The following RIMBP2 variants were observed in gnomAD, a reference collection of about 807,000 sequenced individuals.
The protein encoded by RIMBP2 is RIMS-binding protein 2.
RIMBP2 carries 48 observed loss-of-function variants against 118.6 expected under a neutral mutation model. The observed-to-expected ratio is 0.40, with a 90% CI of 0.32 to 0.51. The LOEUF (loss-of-function observed/expected upper bound fraction) is 0.51, where lower values mean the gene tolerates loss of function less well. Ranked by LOEUF, RIMBP2 falls within the 20% of genes least tolerant of loss-of-function variation. The pLI is 0.41. For missense variants in RIMBP2, 1,551 were observed against 1,768.3 expected, an observed-to-expected ratio of 0.88 and a Z score of 2.20; for synonymous variants, 762 against 742.9, an observed-to-expected ratio of 1.03 and a Z score of -0.42.
intron 4 of RIMBP2, among the ~76,000 whole-genome samples, chr12:130,488,931 C>T (rs1332340005): frequency 6.6e-6 from 1 of 152,122 alleles, no homozygotes; most frequent in Non-Finnish European, 1.5e-5. Context: ...CTGAGAAGAA[C>T]CGATGCATGT....
chr12:130,576,796 C>A lies in RIMBP2; in HGVS notation c.-217+51526G>T, dbSNP rs2058114392. On this transcript the variant is annotated intron_variant, in intron 2 of 22. Coordinates refer to ENST00000690449, the MANE Select transcript of RIMBP2 (RefSeq NM_001393629.1). This position sits in a 1 kb window ranked among gnomAD's most constrained non-coding sequence, Gnocchi z 4.2. ...GCTCCGAGTCCTAAACGAATCACAC[C>A]AGGATGGAGATTGCAGGATGGCGTG... Among the ~76,000 whole-genome samples, 1 of 152,228 alleles carries A rather than the reference C, an allele frequency of 6.6e-6. No individual in the cohort carries two copies. The highest frequency in any genetic ancestry group is 1.5e-5 in the Non-Finnish European group (1 of 68,052).
chr12:130,589,164 A>C (rs2059105042), intron 2 of RIMBP2, among the ~76,000 whole-genome samples: 1 of 152,198 alleles, frequency 6.6e-6, no homozygotes, highest in African/African-American at 2.4e-5. Context: ...GAAATGTAAT[A>C]ATCCTTTTCA....
At chr12:130,532,536 C>T (rs902769638) in intron 2 of RIMBP2, among the ~76,000 whole-genome samples, 12 of 146,372 alleles carry the variant, frequency 8.2e-5, no homozygotes, top group South Asian at 2.2e-4. Flanking sequence ...TAATGAGATG[C>T]GTGTGTGTAG....
chr12:130,578,170 C>T lies in RIMBP2; in HGVS notation c.-217+50152G>A, dbSNP rs1462250954. Reference sequence around the variant, plus strand: ...TCCAGGAAAGTAAAGGTAGTGCAGGCTTGGAAGCTGATGAGGAGGCATGGG... The same window carrying T: ...TCCAGGAAAGTAAAGGTAGTGCAGGTTTGGAAGCTGATGAGGAGGCATGGG... On this transcript the variant is annotated intron_variant, in intron 2 of 22. Transcript: ENST00000690449. This position sits in a 1 kb window ranked among gnomAD's most constrained non-coding sequence, Gnocchi z 4.1. Among the ~76,000 whole-genome samples, 1 of 152,210 alleles carries T rather than the reference C, an allele frequency of 6.6e-6. No homozygotes were observed. The highest frequency in any genetic ancestry group is 1.9e-4 in the East Asian group (1 of 5,198).
At chr12:130,638,517 G>A (rs966131369) in intron 1 of RIMBP2, among the ~76,000 whole-genome samples, 4 of 152,150 alleles carry the variant, frequency 2.6e-5, no homozygotes, top group Non-Finnish European at 4.4e-5. Context: ...CCTGAGCTCC[G>A]CCTCCTGTCA....
chr12:130,629,225 G>C (rs553372167), intron 1 of RIMBP2, among the ~76,000 whole-genome samples: 79 of 152,320 alleles, frequency 5.2e-4, no homozygotes, highest in Non-Finnish European at 9.4e-4. Context: ...TGAGAGGAAG[G>C]ATAAAAAGCA....
chr12:130,571,853 C>T (rs1240821952), intron 2 of RIMBP2, among the ~76,000 whole-genome samples: 1 of 152,170 alleles, frequency 6.6e-6, no homozygotes, highest in Non-Finnish European at 1.5e-5. Context: ...CTGTGGCCCC[C>T]TCACACACCC....
intron 2 of RIMBP2, among the ~76,000 whole-genome samples, chr12:130,607,484 G>C (rs968055126): frequency 1.3e-5 from 2 of 151,964 alleles, no homozygotes; most frequent in African/African-American, 4.8e-5. Context: ...GTGGGTTTCT[G>C]CCACGTCTCC....
intron 4 of RIMBP2, among the ~76,000 whole-genome samples, chr12:130,500,544 G>A (rs575051572): frequency 1.6e-4 from 24 of 152,300 alleles, no homozygotes; most frequent in Admixed American, 2.0e-4. Context: ...AGCAGGGCAC[G>A]TTGTCTTTAG....
Position 130,552,664 on chromosome 12 carries a change from T to C in RIMBP2, c.-216-34747A>G, listed in dbSNP as rs372531108. The stretch of plus-strand genomic sequence containing the variant: ...AAATCAGCTTGTTCATTCTGCCAGT[T>C]CAGTACAAAAATTAGTAGACAAATT... On this transcript the variant is annotated intron_variant, in intron 2 of 22. Coordinates refer to ENST00000690449, the MANE Select transcript of RIMBP2 (RefSeq NM_001393629.1). Among the ~76,000 whole-genome samples, 8 of 152,332 alleles carry C rather than the reference T, an allele frequency of 5.3e-5. No individual in the cohort carries two copies. In the East Asian group the frequency reaches 9.7e-4, roughly 18 times the overall value.
rs1467000739 is a variant in RIMBP2, at chr12:130,688,811, G to A, written c.-352+27411C>T. On this transcript the variant is annotated intron_variant, in intron 1 of 22. Coordinates refer to ENST00000690449, the MANE Select transcript of RIMBP2 (RefSeq NM_001393629.1). This position sits in a 1 kb window ranked among gnomAD's most constrained non-coding sequence, Gnocchi z 4.7. ...TCTCCTCCGGCCCCCAATTCCAACT[G>A]CTCAGCTGAAACGTTTCGAACCAAG... is the stretch of plus-strand genomic sequence containing the variant. Among the ~76,000 whole-genome samples, 1 of 152,226 alleles carries A rather than the reference G, an allele frequency of 6.6e-6. No individual in the cohort carries two copies. Among genetic ancestry groups the A allele is most frequent in the Non-Finnish European group, 1.5e-5 (1 of 68,050 alleles).
intron 1 of RIMBP2, among the ~76,000 whole-genome samples, chr12:130,629,646 GC>G (rs1257746181): frequency 1.3e-5 from 2 of 152,166 alleles, no homozygotes; most frequent in Non-Finnish European, 2.9e-5. Flanking sequence ...CAGATCCAAT[GC>G]ATTAAGCAGG....
intron 1 of RIMBP2, among the ~76,000 whole-genome samples, chr12:130,665,789 G>A (rs1044969042): frequency 4.6e-5 from 7 of 152,168 alleles, no homozygotes; most frequent in African/African-American, 1.7e-4. Flanking sequence ...ACCTTATGGG[G>A]CAACTGAGAC....
intron 3 of RIMBP2, among the ~76,000 whole-genome samples, chr12:130,508,345 C>G (rs2050564651): frequency 6.6e-6 from 1 of 151,742 alleles, no homozygotes; most frequent in African/African-American, 2.4e-5. Context: ...GAATAAAATC[C>G]AAACTCCTTG....
intron 2 of RIMBP2, among the ~76,000 whole-genome samples, chr12:130,547,056 C>T (rs1049336592): frequency 6.6e-6 from 1 of 152,174 alleles, no homozygotes; most frequent in Non-Finnish European, 1.5e-5. Flanking sequence ...AAATATTTCC[C>T]TGTCCCCCTA....
intron 22 of RIMBP2, chr12:130,399,178 G>A (rs775895819): frequency 1.5e-6 from 2 of 1,349,924 alleles, no homozygotes; most frequent in Non-Finnish European, 1.9e-6. Context: ...CCAAGCAGAT[G>A]AGCAAAGAAA....
intron 2 of RIMBP2, among the ~76,000 whole-genome samples, chr12:130,554,067 T>G (rs370488727): frequency 6.6e-6 from 1 of 152,184 alleles, no homozygotes; most frequent in Non-Finnish European, 1.5e-5. Flanking sequence ...TGACCATCTG[T>G]AAACTCATTG....
At chr12:130,461,201 G>C (rs1362623865) in intron 6 of RIMBP2, among the ~76,000 whole-genome samples, 1 of 152,162 alleles carries the variant, frequency 6.6e-6, no homozygotes, top group Admixed American at 6.5e-5. Context: ...CCTGGCCCAG[G>C]GGTTGTAGGG....
intron 2 of RIMBP2, among the ~76,000 whole-genome samples, chr12:130,618,168 TC>T (rs1458186705): frequency 6.6e-6 from 1 of 152,118 alleles, no homozygotes; most frequent in East Asian, 1.9e-4. Context: ...TAACTATGCG[TC>T]AATGCCAGGC....
Sources: allele counts gnomAD v4.1 joint callset (sites outside exome capture counted in the v4.1 genomes callset), GRCh38; gene constraint gnomAD v4.1.1; non-coding constraint Gnocchi (gnomAD v3.1); transcripts MANE v1.5; gene names NCBI Gene and HGNC (gene_info 2026-07-23, HGNC 2026-07-21).